Variants in EYS observed in about 807,000 individuals in gnomAD.
The protein encoded by EYS is EGF-like photoreceptor maintenance factor.
Under a neutral mutation model 282.1 loss-of-function variants are expected in EYS, and 250 were observed. The ratio of observed to expected loss-of-function variants is 0.89; its 90% confidence interval spans 0.80 to 0.98. The LOEUF (loss-of-function observed/expected upper bound fraction) is 0.98, where lower values mean the gene tolerates loss of function less well. EYS is among the 50% of genes least tolerant of loss of function. The probability of loss-of-function intolerance (pLI) is 0.00; values close to 1 mark genes in which losing one functional copy is unlikely to be tolerated. For synonymous variants in EYS, 1,355 were observed against 1,282.9 expected, an observed-to-expected ratio of 1.06 and a Z score of -1.20; for missense variants, 4,016 against 3,709.0, an observed-to-expected ratio of 1.08 and a Z score of -2.15.
At chr6:63,752,111 T>C (rs1769353198) in intron 41 of EYS, among the ~76,000 whole-genome samples, 1 of 152,124 alleles carries the variant, frequency 6.6e-6, no homozygotes, top group Non-Finnish European at 1.5e-5. Flanking sequence ...AAACATCGAG[T>C]TTGTCAACTA....
intron 2 of EYS, among the ~76,000 whole-genome samples, chr6:65,506,265 T>A (rs1404403440): frequency 6.6e-6 from 1 of 152,044 alleles, no homozygotes; most frequent in Admixed American, 6.6e-5. Flanking sequence ...TCTTGTTTAT[T>A]TGTTTTTCTC....
At chr6:65,540,801 T>A (rs1768140158) in intron 2 of EYS, among the ~76,000 whole-genome samples, 1 of 151,986 alleles carries the variant, frequency 6.6e-6, no homozygotes, top group African/African-American at 2.4e-5. Flanking sequence ...TGGGCACCTG[T>A]GATCTCAGCT....
At chr6:64,068,400 C>A (rs1771453665) in intron 32 of EYS, among the ~76,000 whole-genome samples, 3 of 151,336 alleles carry the variant, frequency 2.0e-5, no homozygotes, top group Middle Eastern at 3.2e-3. Flanking sequence ...ACTTGCCAAT[C>A]TCAAGGGTGA....
At chr6:64,808,376 G>T (rs1267889963) in intron 22 of EYS, among the ~76,000 whole-genome samples, 1 of 151,928 alleles carries the variant, frequency 6.6e-6, no homozygotes, top group Non-Finnish European at 1.5e-5. Flanking sequence ...TTATATAACA[G>T]CAATAAACAT....
chr6:64,884,280 A>C (rs889720126), intron 19 of EYS, among the ~76,000 whole-genome samples: 1 of 151,544 alleles, frequency 6.6e-6, no homozygotes, highest in African/African-American at 2.4e-5. Flanking sequence ...TGTTATTTTA[A>C]CTTTCCTCTC....
intron 29 of EYS, among the ~76,000 whole-genome samples, chr6:64,369,567 T>C (rs957749830): frequency 6.6e-6 from 1 of 152,162 alleles, no homozygotes; most frequent in South Asian, 2.1e-4. Context: ...CATTTGTTTC[T>C]GTCATCCTTG....
At chr6:65,048,897 G>T (rs1561939902) in intron 13 of EYS, among the ~76,000 whole-genome samples, 1 of 151,680 alleles carries the variant, frequency 6.6e-6, no homozygotes, top group African/African-American at 2.4e-5. Flanking sequence ...CTCAAGCCCT[G>T]TTTCCATACC....
At chr6:64,277,538 A>T (rs1055884972) in intron 30 of EYS, among the ~76,000 whole-genome samples, 2 of 152,130 alleles carry the variant, frequency 1.3e-5, no homozygotes, top group African/African-American at 4.8e-5. Context: ...GAAAGAAGAA[A>T]GAAGTAAAAG....
intron 12 of EYS, among the ~76,000 whole-genome samples, chr6:65,256,312 A>C (rs1355239463): frequency 1.4e-5 from 2 of 142,492 alleles, no homozygotes; most frequent in Non-Finnish European, 3.0e-5. Flanking sequence ...GTACATGTGC[A>C]CATTGTGCAG....
intron 12 of EYS, among the ~76,000 whole-genome samples, chr6:65,114,870 C>T (rs535829087): frequency 6.6e-6 from 1 of 152,072 alleles, no homozygotes; most frequent in South Asian, 2.1e-4. Context: ...ATTTCACTTA[C>T]ACTATTCATC....
chr6:63,830,317 C>T (rs991112869), intron 36 of EYS, among the ~76,000 whole-genome samples: 1 of 152,106 alleles, frequency 6.6e-6, no homozygotes, highest in Non-Finnish European at 1.5e-5. Context: ...AGTTAAAAAC[C>T]TTGATAAAAG....
chr6:65,673,087 G>C (rs1768451922), intron 1 of EYS, among the ~76,000 whole-genome samples: 1 of 152,142 alleles, frequency 6.6e-6, no homozygotes, highest in Admixed American at 6.6e-5. Flanking sequence ...GCTTCAGGCT[G>C]TCTGGATGTA....
At chr6:64,755,493 T>TACACAC (rs1772904031) in intron 22 of EYS, among the ~76,000 whole-genome samples, 1 of 32,472 alleles carries the variant, frequency 3.1e-5, no homozygotes, top group African/African-American at 9.2e-5. Flanking sequence ...CTTGAGAACA[T>TACACAC]ACATACACAC....
In EYS at chr6:64,372,130, G is replaced by GTTTTTTTTT. The variant is rs201498090; in HGVS notation, c.6078+16551_6078+16559dup. ...TAGCATCACTGGTCTGTATACTTGT[G>GTTTTTTTTT]TTTTTTTTTTTTTTTTTTTTTTTTT... On this transcript the variant is annotated intron_variant, in intron 29 of 42. Coordinates refer to ENST00000503581, the MANE Select transcript of EYS (RefSeq NM_001142800.2). 1.1e-3 allele frequency among the ~76,000 whole-genome samples: 106 copies of GTTTTTTTTT among 97,682 alleles called. 7 individuals carry two copies. The highest frequency in any genetic ancestry group is 4.4e-3 in the African/African-American group (93 of 21,216). 64.1% of individuals were successfully genotyped at this position (97,682 alleles called of 152,430 possible). A position where few individuals can be genotyped will look rare whatever the true frequency, so the allele number is the denominator to read the frequency against.
intron 26 of EYS, among the ~76,000 whole-genome samples, chr6:64,545,018 T>C (rs1363854034): frequency 1.3e-5 from 2 of 152,208 alleles, no homozygotes; most frequent in Non-Finnish European, 2.9e-5. Context: ...TAACTCATTT[T>C]ATGAGGCCAG....
chr6:65,602,413 G>A (rs1457909961), intron 2 of EYS, among the ~76,000 whole-genome samples: 2 of 151,816 alleles, frequency 1.3e-5, no homozygotes, highest in East Asian at 3.9e-4. Context: ...ATTAGTTGAG[G>A]CTTTTAAATA....
At chr6:64,393,480 T>C (rs201361631) in intron 28 of EYS, among the ~76,000 whole-genome samples, 2 of 152,088 alleles carry the variant, frequency 1.3e-5, no homozygotes, top group East Asian at 1.9e-4. Flanking sequence ...GTTCAACACA[T>C]GCAAATCAAT....
At chr6:64,878,933 C>G (rs1766833749) in intron 19 of EYS, among the ~76,000 whole-genome samples, 1 of 152,086 alleles carries the variant, frequency 6.6e-6, no homozygotes, top group Admixed American at 6.6e-5. Flanking sequence ...TTATTTTGCC[C>G]TGTGCTAGAA....
At chr6:64,542,304 T>G (rs541888370) in intron 26 of EYS, among the ~76,000 whole-genome samples, 1 of 152,234 alleles carries the variant, frequency 6.6e-6, no homozygotes, top group Non-Finnish European at 1.5e-5. Context: ...AAAATGTACC[T>G]GAGAACTGTG....
Sources: allele counts gnomAD v4.1 joint callset (sites outside exome capture counted in the v4.1 genomes callset), GRCh38; gene constraint gnomAD v4.1.1; transcripts MANE v1.5; gene names NCBI Gene and HGNC (gene_info 2026-07-23, HGNC 2026-07-21).